DNAH11: variants seen among roughly 807,000 people sequenced by gnomAD.
The protein encoded by DNAH11 is axonemal beta dynein heavy chain 11.
DNAH11 carries 442 observed loss-of-function variants against 526.0 expected under a neutral mutation model. That is an observed-to-expected ratio of 0.84 (90% CI 0.78 to 0.91). The LOEUF is 0.91. Among genes scored for constraint, DNAH11 ranks in the 40% least tolerant of loss-of-function variants. The pLI, the probability that DNAH11 is intolerant of heterozygous loss-of-function variation, is 0.00. For synonymous variants in DNAH11, 2,461 were observed against 1,935.9 expected, an observed-to-expected ratio of 1.27 and a Z score of -7.12; for missense variants, 6,989 against 5,448.7, an observed-to-expected ratio of 1.28 and a Z score of -8.90.
chr7:21,780,621 AC>A (rs1485213986), intron 57 of DNAH11, among the ~76,000 whole-genome samples: 7 of 152,328 alleles, frequency 4.6e-5, no homozygotes, highest in African/African-American at 1.7e-4. Flanking sequence ...AGGAAAAATT[AC>A]CCTCATAAAA....
At chr7:21,756,813 G>C (rs150881688) in intron 54 of DNAH11, among the ~76,000 whole-genome samples, 61 of 152,222 alleles carry the variant, frequency 4.0e-4, no homozygotes, top group African/African-American at 1.3e-3. Flanking sequence ...CCTAAAATTT[G>C]TTAATGAATG....
intron 35 of DNAH11, among the ~76,000 whole-genome samples, chr7:21,692,057 C>G (rs564841509): frequency 6.6e-6 from 1 of 152,296 alleles, no homozygotes; most frequent in South Asian, 2.1e-4. Flanking sequence ...TTACGATTCA[C>G]TTATAATTTA....
chr7:21,808,585 T>C (rs1789375741), intron 63 of DNAH11, among the ~76,000 whole-genome samples: 1 of 152,200 alleles, frequency 6.6e-6, no homozygotes. Flanking sequence ...TTCTACTCTC[T>C]ACCTCCATAA....
chr7:21,578,199 C>T (rs1784173808), intron 8 of DNAH11, among the ~76,000 whole-genome samples: 1 of 152,174 alleles, frequency 6.6e-6, no homozygotes, highest in African/African-American at 2.4e-5. Context: ...CCATGATCCC[C>T]TGTAAAATCA....
At chr7:21,847,742 T>A (rs1266041809) in intron 66 of DNAH11, among the ~76,000 whole-genome samples, 2 of 152,228 alleles carry the variant, frequency 1.3e-5, no homozygotes, top group Non-Finnish European at 2.9e-5. Context: ...CTGCTGGATC[T>A]GTCAATTATG....
At chr7:21,828,289 C>A (rs528013119) in intron 65 of DNAH11, among the ~76,000 whole-genome samples, 1 of 152,116 alleles carries the variant, frequency 6.6e-6, no homozygotes, top group African/African-American at 2.4e-5. Context: ...TTATGTAGTT[C>A]TCTCATTATT....
chr7:21,697,827 A>G (rs974320377), intron 35 of DNAH11, among the ~76,000 whole-genome samples: 1 of 152,178 alleles, frequency 6.6e-6, no homozygotes, highest in East Asian at 1.9e-4. Flanking sequence ...GAATGTATTC[A>G]TGGATTTTCT....
At chr7:21,571,753 A>G in intron 7 of DNAH11, 53 bp from the exon 8 acceptor site, 1 of 1,361,392 alleles carries the variant, frequency 7.3e-7, no homozygotes, top group Non-Finnish European at 9.7e-7. Context: ...GAAACTTTAA[A>G]ATATTTTGCT....
In DNAH11 at chr7:21,854,419, C is replaced by A. The variant is rs1358907715; in HGVS notation, c.11166C>A (p.Leu3722=). ...ASLLYFVIND[L]QKINPLYQFS... is the part of the protein sequence containing the mutation. ...TTCTTTATTTTGTTATTAATGACCT[C>A]CAAAAAATCAACCCCCTCTACCAAT... The change falls in exon 68 of 82, where the codon CTC becomes CTA. Residue 3722 remains leucine (L), a synonymous_variant. Coordinates refer to ENST00000409508, the MANE Select transcript of DNAH11 (RefSeq NM_001277115.2). The A allele has an allele frequency of 7.4e-6, 12 of 1,613,678 alleles. No homozygotes were observed. Among genetic ancestry groups the A allele is most frequent in the Non-Finnish European group, 9.3e-6 (11 of 1,179,774 alleles).
intron 65 of DNAH11, among the ~76,000 whole-genome samples, chr7:21,823,116 G>T (rs1264796469): frequency 6.6e-6 from 1 of 151,880 alleles, no homozygotes; most frequent in Non-Finnish European, 1.5e-5. Flanking sequence ...TACAGAAGTT[G>T]TTTAGCTTGA....
In DNAH11 at chr7:21,726,891, A is replaced by AAAAAAAG. The variant is rs1269603324; in HGVS notation, c.7440+907_7440+908insAAAAAAG. 4.5e-4 allele frequency among the ~76,000 whole-genome samples: 52 copies of AAAAAAAG among 114,772 alleles called. 7 individuals are homozygous for AAAAAAAG. In the East Asian group the frequency reaches 0.018, roughly 39 times the overall value. 75.3% of individuals were successfully genotyped at this position (114,772 alleles called of 152,430 possible). ...AAAAAAAAAAAAAAAAAAAAAAAAAAGAATGCTTAGTGAGATGTCTGTTAT... is the reference window on the plus strand; with the variant it reads ...AAAAAAAAAAAAAAAAAAAAAAAAAAAAAAAAGGAATGCTTAGTGAGATGTCTGTTAT... On this transcript the variant is annotated intron_variant, in intron 45 of 81. Transcript: ENST00000409508.
In DNAH11 at chr7:21,616,306, C is replaced by G. The variant is rs1301039421; in HGVS notation, c.4095+14C>G. ...AGGTTTGCCAAGGCGAGTTCCATAA[C>G]TGTCTATTACAACAATTTATCTTTC... is the stretch of plus-strand genomic sequence containing the variant. On this transcript the variant is annotated intron_variant, in intron 22 of 81. Coordinates refer to ENST00000409508, the MANE Select transcript of DNAH11 (RefSeq NM_001277115.2). 1 of 1,597,646 alleles carries G rather than the reference C, an allele frequency of 6.3e-7. No homozygotes were observed. Among genetic ancestry groups the G allele is most frequent in the Non-Finnish European group, 8.6e-7 (1 of 1,168,064 alleles).
chr7:21,605,021 C>T (rs1785229860), intron 18 of DNAH11, among the ~76,000 whole-genome samples: 1 of 152,182 alleles, frequency 6.6e-6, no homozygotes, highest in Admixed American at 6.5e-5. Flanking sequence ...GATTCCATAA[C>T]ACATAGACCT....
intron 18 of DNAH11, among the ~76,000 whole-genome samples, chr7:21,603,452 C>T (rs1330798296): frequency 6.6e-6 from 1 of 152,068 alleles, no homozygotes; most frequent in Admixed American, 6.6e-5. Context: ...TCTGGTAGTT[C>T]TATATTTAAC....
At chr7:21,576,970 A>C (rs189059747) in intron 8 of DNAH11, among the ~76,000 whole-genome samples, 1 of 152,206 alleles carries the variant, frequency 6.6e-6, no homozygotes, top group African/African-American at 2.4e-5. Context: ...AACACTGGCC[A>C]TTATATATAA....
chr7:21,766,617 G>A (rs911353560), intron 55 of DNAH11, among the ~76,000 whole-genome samples: 10 of 152,046 alleles, frequency 6.6e-5, no homozygotes, highest in South Asian at 2.1e-4. Context: ...ATCATTCAGC[G>A]GCCATATGGT....
intron 20 of DNAH11, among the ~76,000 whole-genome samples, chr7:21,613,155 G>A (rs958522051): frequency 1.3e-5 from 2 of 152,086 alleles, no homozygotes; most frequent in African/African-American, 2.4e-5. Flanking sequence ...TGCAGTAGGG[G>A]AAATGAACTT....
At chr7:21,733,955 G>T (rs966803406) in intron 45 of DNAH11, among the ~76,000 whole-genome samples, 2 of 152,142 alleles carry the variant, frequency 1.3e-5, no homozygotes, top group African/African-American at 4.8e-5. Flanking sequence ...AAGGAGTTTT[G>T]GGAACATTGG....
intron 65 of DNAH11, among the ~76,000 whole-genome samples, chr7:21,819,362 T>C (rs1459498296): frequency 6.6e-6 from 1 of 152,192 alleles, no homozygotes; most frequent in East Asian, 1.9e-4. Context: ...TATCATACAA[T>C]CACTAAGTAA....
Sources: allele counts gnomAD v4.1 joint callset (sites outside exome capture counted in the v4.1 genomes callset), GRCh38; gene constraint gnomAD v4.1.1; transcripts MANE v1.5; gene names NCBI Gene and HGNC (gene_info 2026-07-23, HGNC 2026-07-21).